The following TRHDE variants were observed in gnomAD, a reference collection of about 807,000 sequenced individuals.
TRHDE encodes thyrotropin releasing hormone degrading enzyme.
TRHDE carries 72 observed loss-of-function variants against 125.7 expected under a neutral mutation model. The ratio of observed to expected loss-of-function variants is 0.57; its 90% CI spans 0.47 to 0.70. The LOEUF (loss-of-function observed/expected upper bound fraction) is 0.70, where lower values mean the gene tolerates loss of function less well. TRHDE is among the 30% of genes least tolerant of loss of function. TRHDE has a pLI of 0.00. For synonymous variants in TRHDE, 509 were observed against 509.1 expected (o/e 1.00, Z 0.00); for missense variants, 1,110 against 1,327.1 (o/e 0.84, Z 2.54).
intron 12 of TRHDE, among the ~76,000 whole-genome samples, chr12:72,615,389 T>C (rs1309104464): frequency 2.0e-5 from 3 of 152,198 alleles, no homozygotes. Context: ...TGAGCTAATG[T>C]AGTGTTTCAT....
intron 3 of TRHDE, among the ~76,000 whole-genome samples, chr12:72,436,079 T>C (rs1332890905): frequency 2.0e-5 from 3 of 152,074 alleles, no homozygotes; most frequent in African/African-American, 7.2e-5. Context: ...AGGTGTTTTA[T>C]TATGTGGAGT....
At chr12:72,474,032 G>A (rs1473474369) in intron 5 of TRHDE, among the ~76,000 whole-genome samples, 1 of 151,710 alleles carries the variant, frequency 6.6e-6, no homozygotes, top group Non-Finnish European at 1.5e-5. Context: ...ACATATATAT[G>A]CACACACACA....
At chr12:72,111,856 C>T (rs560602226) in intron 2 of TRHDE, among the ~76,000 whole-genome samples, 3 of 152,252 alleles carry the variant, frequency 2.0e-5, no homozygotes, top group South Asian at 2.1e-4. Flanking sequence ...TCTCTCTCTA[C>T]ATGTGTGAAT....
chr12:72,281,750 G>A (rs1372602062), intron 1 of TRHDE, among the ~76,000 whole-genome samples: 3 of 152,134 alleles, frequency 2.0e-5, no homozygotes, highest in Non-Finnish European at 4.4e-5. Context: ...TAATGGAGCA[G>A]AAATTGTTTT....
chr12:72,579,923 T>C (rs1340814908), intron 12 of TRHDE, among the ~76,000 whole-genome samples: 1 of 152,200 alleles, frequency 6.6e-6, no homozygotes, highest in Non-Finnish European at 1.5e-5. Flanking sequence ...TTTGCCTAAC[T>C]GCTCTCTTTG....
rs192597133 is a variant in TRHDE, at chr12:72,521,458, C to T, written c.1723-20833C>T. On this transcript the variant is annotated intron_variant, in intron 6 of 18. Coordinates refer to ENST00000261180, the MANE Select transcript of TRHDE (RefSeq NM_013381.3). Reference sequence around the variant, plus strand: ...ATGGTGTAGAGGGGAGAGTGTGAGTCGCAGCAATTCTGAGAAACATGGTTT... The same window carrying T: ...ATGGTGTAGAGGGGAGAGTGTGAGTTGCAGCAATTCTGAGAAACATGGTTT... Among the ~76,000 whole-genome samples, 24 of 152,074 alleles carry T rather than the reference C, an allele frequency of 1.6e-4. No individual in the cohort carries two copies. In the East Asian group the frequency reaches 3.7e-3, roughly 23 times the overall value.
Position 72,344,742 on chromosome 12 carries a change from G to T in TRHDE, c.1189-33253G>T, listed in dbSNP as rs75049934. On this transcript the variant is annotated intron_variant, in intron 2 of 18. Coordinates refer to ENST00000261180, the MANE Select transcript of TRHDE (RefSeq NM_013381.3). ...ATGCAGAAGTGGAGGCCACTCCCAA[G>T]CCTCCACCCCTGAGCTTTGACCTGC... is the stretch of plus-strand genomic sequence containing the variant. 7.6e-3 allele frequency among the ~76,000 whole-genome samples: 1,153 copies of T among 152,138 alleles called. 12 individuals are homozygous for T. The highest frequency in any genetic ancestry group is 0.025 in the African/African-American group (1,051 of 41,520).
At chr12:72,293,094 C>T (rs1443939909) in intron 2 of TRHDE, among the ~76,000 whole-genome samples, 1 of 152,112 alleles carries the variant, frequency 6.6e-6, no homozygotes. Context: ...TTTTATGGAA[C>T]CTCAGCTGGG....
At chr12:72,490,821 G>A (rs1232393515) in intron 5 of TRHDE, among the ~76,000 whole-genome samples, 1 of 151,238 alleles carries the variant, frequency 6.6e-6, no homozygotes, top group Non-Finnish European at 1.5e-5. Flanking sequence ...GATACAGGTG[G>A]AGAGGTGGTC....
chr12:72,178,130 G>A (rs1877025589), intron 2 of TRHDE, among the ~76,000 whole-genome samples: 1 of 152,104 alleles, frequency 6.6e-6, no homozygotes, highest in South Asian at 2.1e-4. Context: ...AGATGATTCA[G>A]AAGCTTTTTT....
chr12:72,632,090 A>AAT (rs1432793061), intron 15 of TRHDE, among the ~76,000 whole-genome samples: 2 of 152,000 alleles, frequency 1.3e-5, no homozygotes, highest in Non-Finnish European at 2.9e-5. Context: ...GATGTAGCCT[A>AAT]ATATAATCCA....
rs913000181 is a variant in TRHDE, at chr12:72,329,256, T to C, written c.1188+42302T>C. The stretch of plus-strand genomic sequence containing the variant: ...GCACATTCTTACTTTTGGATATTCA[T>C]TGAATAAACAGTAGTGGGTGAATAA... On this transcript the variant is annotated intron_variant, in intron 2 of 18. Transcript: ENST00000261180. Among the ~76,000 whole-genome samples the C allele has an allele frequency of 5.3e-5, 8 of 152,208 alleles. No homozygotes were observed. In the South Asian group the frequency reaches 1.4e-3, roughly 28 times the overall value.
intron 3 of TRHDE, among the ~76,000 whole-genome samples, chr12:72,466,140 G>A (rs1279977066): frequency 1.3e-5 from 2 of 152,034 alleles, no homozygotes; most frequent in South Asian, 2.1e-4. Flanking sequence ...CTTTATCACC[G>A]GCCTCCAATT....
chr12:72,399,601 T>C (rs1316614669), intron 3 of TRHDE, among the ~76,000 whole-genome samples: 2 of 152,140 alleles, frequency 1.3e-5, no homozygotes, highest in African/African-American at 2.4e-5. Flanking sequence ...ACACTATAGT[T>C]CTTGGCAAAA....
intron 3 of TRHDE, among the ~76,000 whole-genome samples, chr12:72,423,405 C>T (rs1354852244): frequency 6.6e-6 from 1 of 152,132 alleles, no homozygotes; most frequent in African/African-American, 2.4e-5. Flanking sequence ...TACTTTTCTT[C>T]TCTCAAGACC....
chr12:72,089,693 C>T (rs1874747906), intron 1 of TRHDE, among the ~76,000 whole-genome samples: 2 of 152,202 alleles, frequency 1.3e-5, no homozygotes, highest in Non-Finnish European at 2.9e-5. Context: ...CCTTCCCACC[C>T]ATTGCACTCC....
chr12:72,374,491 T>C (rs556413167), intron 2 of TRHDE, among the ~76,000 whole-genome samples: 1 of 152,204 alleles, frequency 6.6e-6, no homozygotes, highest in East Asian at 1.9e-4. Flanking sequence ...TGAGACTAGA[T>C]GTTATCACCC....
chr12:72,526,636 T>C (rs1449785559), intron 6 of TRHDE, among the ~76,000 whole-genome samples: 1 of 152,176 alleles, frequency 6.6e-6, no homozygotes, highest in Non-Finnish European at 1.5e-5. Flanking sequence ...CAAAAGTGCC[T>C]GTCCTCTGCC....
At chr12:72,591,130 A>T (rs1053414756) in intron 12 of TRHDE, among the ~76,000 whole-genome samples, 5 of 152,154 alleles carry the variant, frequency 3.3e-5, no homozygotes, top group Admixed American at 6.5e-5. Context: ...ATTAAATCTT[A>T]TGAGACTTAT....
Sources: allele counts gnomAD v4.1 joint callset (sites outside exome capture counted in the v4.1 genomes callset), GRCh38; gene constraint gnomAD v4.1.1; transcripts MANE v1.5; gene names NCBI Gene and HGNC (gene_info 2026-07-23, HGNC 2026-07-21).